Variants in SP140 observed in about 807,000 individuals in gnomAD.
SP140 encodes nuclear body protein SP140.
SP140 carries 81 observed loss-of-function variants against 125.0 expected under a neutral mutation model. The observed-to-expected ratio is 0.65, with a 90% CI of 0.54 to 0.78. SP140 has a LOEUF of 0.78. SP140 is among the 30% of genes least tolerant of loss of function. The pLI is 0.00. For missense variants in SP140, 858 were observed against 1,037.0 expected (o/e 0.83, Z 2.37); for synonymous variants, 312 against 354.0 (o/e 0.88, Z 1.33).
Position 230,251,059 on chromosome 2 carries a change from C to CAGGTAAAG in SP140, c.1057_1057+7dup, listed in dbSNP as rs760059368. 190 of 1,612,814 alleles carry CAGGTAAAG rather than the reference C, an allele frequency of 1.2e-4. 1 individual carries two copies. In the South Asian group the frequency reaches 2.0e-3, roughly 17 times the overall value. On this transcript the variant is annotated frameshift_variant and splice_region_variant, in exon 10 of 27. Coordinates refer to ENST00000392045, the MANE Select transcript of SP140 (RefSeq NM_007237.5). LOFTEE classifies it high-confidence loss of function. ...TCTAGCTCCCTAGCAAGATGTGGGTCAGGTAAAGAAGGGGAGGATTTCTGG... is the reference window on the plus strand; with the variant it reads ...TCTAGCTCCCTAGCAAGATGTGGGTCAGGTAAAGAGGTAAAGAAGGGGAGGATTTCTGG...
the SP140 span, among the ~76,000 whole-genome samples, chr2:230,197,578 T>G: frequency 1.3e-5 from 2 of 150,730 alleles, no homozygotes; most frequent in Non-Finnish European, 3.0e-5. Flanking sequence ...TTGTCTTTTG[T>G]TGCCATTGCT....
rs11323886 is a variant in SP140 at position 230,226,762 on chromosome 2, C to CA, written c.59+878dup. ...GGGCAACAAGAGTGAAATTCCATCT[C>CA]AAAAAAAAAAAAAAAAAAAGACAAG... On this transcript the variant is annotated intron_variant, in intron 1 of 26. Transcript: ENST00000392045. Among the ~76,000 whole-genome samples, 145 of 94,218 alleles carry CA rather than the reference C, an allele frequency of 1.5e-3. 2 individuals are homozygous for CA. The highest frequency in any genetic ancestry group is 3.3e-3 in the Admixed American group (29 of 8,692). The allele number at this position is 94,218 out of a possible 152,430, so 61.8% of individuals were successfully genotyped here. A position where few individuals can be genotyped will look rare whatever the true frequency, so the allele number is the denominator to read the frequency against.
chr2:230,196,235 G>T, the SP140 span, among the ~76,000 whole-genome samples: 1 of 152,112 alleles, frequency 6.6e-6, no homozygotes, highest in African/African-American at 2.4e-5. Flanking sequence ...TATTGGACAA[G>T]TGTGCAAAGA....
chr2:230,220,052 A>T (rs1161345446), intron 3 of SP140: 1 of 985,412 alleles, frequency 1.0e-6, no homozygotes, highest in Non-Finnish European at 1.2e-6. Context: ...GGAGTTTGCC[A>T]AGCCGGAAGC....
intron 22 of SP140, among the ~76,000 whole-genome samples, chr2:230,299,139 C>T (rs1431759792): frequency 6.6e-6 from 1 of 152,224 alleles, no homozygotes; most frequent in African/African-American, 2.4e-5. Flanking sequence ...GAGACTCACA[C>T]TGTGAACTTT....
chr2:230,244,341 A>C (rs2049114607), intron 5 of SP140, among the ~76,000 whole-genome samples: 1 of 152,236 alleles, frequency 6.6e-6, no homozygotes, highest in East Asian at 1.9e-4. Flanking sequence ...GAAGCATAGC[A>C]ATGTGTAAGG....
chr2:230,248,090 T>C (rs2049770348), intron 8 of SP140, 25 bp downstream of exon 8: 3 of 1,610,262 alleles, frequency 1.9e-6, no homozygotes, highest in Non-Finnish European at 2.5e-6. Flanking sequence ...AGCAGAGACA[T>C]GTGTCAAGGG....
chr2:230,309,280 C>G (rs1249504877), intron 22 of SP140, among the ~76,000 whole-genome samples: 1 of 152,214 alleles, frequency 6.6e-6, no homozygotes, highest in African/African-American at 2.4e-5. Flanking sequence ...TCGCACCTTA[C>G]AATCCAAGTT....
At chr2:230,224,711 A>C (rs2046123829), upstream of SP140, among the ~76,000 whole-genome samples, 1 of 152,176 alleles carries the variant, frequency 6.6e-6, no homozygotes, top group African/African-American at 2.4e-5. Flanking sequence ...TGTGTAATGA[A>C]CCAGAAAAAG....
downstream of SP140, among the ~76,000 whole-genome samples, chr2:230,315,898 T>C (rs1253617324): frequency 6.6e-6 from 1 of 152,230 alleles, no homozygotes; most frequent in Non-Finnish European, 1.5e-5. Flanking sequence ...CTGTGTCAAA[T>C]ATGGTATCTT....
At chr2:230,240,760 A>G (rs1405621172) in intron 3 of SP140, among the ~76,000 whole-genome samples, 1 of 152,216 alleles carries the variant, frequency 6.6e-6, no homozygotes, top group Admixed American at 6.5e-5. Context: ...GCAATTTCCT[A>G]TAAAGTTAAA....
At chr2:230,245,841 A>G (rs1215870883) in intron 6 of SP140, 22 bp from the exon 7 acceptor site, 5 of 1,531,468 alleles carry the variant, frequency 3.3e-6, no homozygotes, top group East Asian at 2.2e-5. Context: ...ATTGTCTGTC[A>G]TGTTCCTCTT....
chr2:230,202,825 C>A (rs1195010218), upstream of SP140: 14 of 1,128,828 alleles, frequency 1.2e-5, no homozygotes, highest in Non-Finnish European at 1.9e-5. Context: ...GCCCCTAACT[C>A]CCACTCTTTC....
downstream of SP140, among the ~76,000 whole-genome samples, chr2:230,315,027 A>G (rs1199220661): frequency 1.3e-5 from 2 of 152,278 alleles, no homozygotes; most frequent in African/African-American, 2.4e-5. Context: ...GTAGGTATCT[A>G]TGAAGACAGA....
Position 230,244,454 on chromosome 2 carries a change from G to A in SP140, c.572-534G>A, listed in dbSNP as rs559947814. Reference sequence around the variant, plus strand: ...ATTTGGCAGAGATCAGGGTAGCCAGGGTCATGGATTGGAGTTCACACAGGA... The same window carrying A: ...ATTTGGCAGAGATCAGGGTAGCCAGAGTCATGGATTGGAGTTCACACAGGA... On this transcript the variant is annotated intron_variant, in intron 5 of 26. Coordinates refer to ENST00000392045, the MANE Select transcript of SP140 (RefSeq NM_007237.5). Among the ~76,000 whole-genome samples, 30 of 152,320 alleles carry A rather than the reference G, an allele frequency of 2.0e-4. 1 individual carries two copies. In the South Asian group the frequency reaches 4.1e-3, roughly 21 times the overall value.
At chr2:230,271,463 C>T (rs566895748) in intron 15 of SP140, among the ~76,000 whole-genome samples, 6 of 152,280 alleles carry the variant, frequency 3.9e-5, no homozygotes, top group Admixed American at 3.3e-4. Context: ...CCTGGATCAT[C>T]ATGAGCAGAC....
chr2:230,306,405 C>T (rs533051001), intron 22 of SP140, among the ~76,000 whole-genome samples: 33 of 152,214 alleles, frequency 2.2e-4, no homozygotes, highest in Non-Finnish European at 4.3e-4. Flanking sequence ...TGGCTGAGGC[C>T]GCCCCACTCT....
intron 11 of SP140, among the ~76,000 whole-genome samples, chr2:230,253,991 C>T (rs968283844): frequency 6.6e-6 from 1 of 151,944 alleles, no homozygotes; most frequent in Non-Finnish European, 1.5e-5. Context: ...ATTTTACAGG[C>T]ATCTAAGAGG....
chr2:230,308,170 T>C (rs2058995150), intron 22 of SP140, among the ~76,000 whole-genome samples: 1 of 151,586 alleles, frequency 6.6e-6, no homozygotes, highest in Non-Finnish European at 1.5e-5. Context: ...TTCTCACTTA[T>C]AAGTTGGAGC....
Sources: allele counts gnomAD v4.1 joint callset (sites outside exome capture counted in the v4.1 genomes callset), GRCh38; gene constraint gnomAD v4.1.1; transcripts MANE v1.5; gene names NCBI Gene and HGNC (gene_info 2026-07-23, HGNC 2026-07-21).